The following CDHR4 variants were observed in gnomAD, a reference collection of about 807,000 sequenced individuals.
The protein encoded by CDHR4 is cadherin-related family member 4.
In CDHR4, 89 loss-of-function variants were observed where a neutral mutation model predicts 88.4. The observed-to-expected ratio is 1.01, with a 90% confidence interval of 0.85 to 1.20. The LOEUF (loss-of-function observed/expected upper bound fraction) is 1.20. Among genes scored for constraint, CDHR4 ranks in the 50% most tolerant of loss-of-function variants. CDHR4 has a pLI of 0.00. For synonymous variants in CDHR4, 368 were observed against 399.2 expected, an observed-to-expected ratio of 0.92 and a Z score of 0.93; for missense variants, 914 against 1,007.2, an observed-to-expected ratio of 0.91 and a Z score of 1.25.
Position 49,796,931 on chromosome 3 carries a change from C to G in CDHR4, c.597G>C (p.Gln199His), listed in dbSNP as rs1314567640. ...TCCAGGTCATGCTCACCTTTTGAGC[C>G]TGGCCTAGGAGGCCCTGGGATGGTG... ...LQAPSQGLLG[Q>H]AQKVFQLQIS... The change falls in exon 5 of 19, where the codon CAG (glutamine) becomes CAC (histidine). Residue 199 changes from glutamine to histidine, a missense_variant. Physicochemically the swap from Gln to His is conservative, Grantham distance 24 (BLOSUM62 0). Coordinates refer to ENST00000412678, the MANE Select transcript of CDHR4 (RefSeq NM_001007540.4). 4 of 1,551,216 alleles carry G rather than the reference C, an allele frequency of 2.6e-6. No individual in the cohort carries two copies. In the East Asian group the frequency reaches 7.3e-5, roughly 28 times the overall value.
rs963370864 is a variant in CDHR4 at position 49,799,245 on chromosome 3, A to G, written c.240+2T>C. 1 of 1,613,468 alleles carries G rather than the reference A, an allele frequency of 6.2e-7. No individual in the cohort carries two copies. The highest frequency in any genetic ancestry group is 1.1e-5 in the South Asian group (1 of 91,006). On this transcript the variant is annotated splice_donor_variant, in intron 2 of 18. Coordinates refer to ENST00000412678, the MANE Select transcript of CDHR4 (RefSeq NM_001007540.4). LOFTEE classifies it high-confidence loss of function. ...AGTCCCCAGCTGTACACATGACCCT[A>G]CCTTGCCCACATAGGTCCCTTGCCA...
In CDHR4 at chr3:49,790,846, G is replaced by C. The variant is rs376681759; in HGVS notation, c.2353C>G (p.Arg785Gly). Reference sequence around the variant, plus strand: ...GCTACTTGGCCTCAGAGCCAGCGCCGGGCTCCTGTGTGTGTGTTAAACAGG... The same window carrying C: ...GCTACTTGGCCTCAGAGCCAGCGCCCGGCTCCTGTGTGTGTGTTAAACAGG... ...DYLFNTHTGA[R>G]RWL Residue 785 changes from arginine to glycine, a missense_variant, in exon 19 of 19, where the codon CGG becomes GGG. Transcript: ENST00000412678. The C allele has an allele frequency of 7.1e-6, 11 of 1,551,320 alleles. No individual in the cohort carries two copies. The highest frequency in any genetic ancestry group is 1.4e-5 in the African/African-American group (1 of 73,018).
In CDHR4 at chr3:49,799,274, G is replaced by A. The variant is rs7629936; in HGVS notation, c.213C>T (p.Ala71=). The A allele has an allele frequency of 0.24, 382,397 of 1,613,606 alleles. 46,469 individuals carry two copies. Among genetic ancestry groups the A allele is most frequent in the South Asian group, 0.26 (24,086 of 91,040 alleles). Reference sequence around the variant, plus strand: ...TGCCCACATAGGTCCCTTGCCACCTGGCCAAGCTGGGTGGGTTGAAGAAGG... The same window carrying A: ...TGCCCACATAGGTCCCTTGCCACCTAGCCAAGCTGGGTGGGTTGAAGAAGG... ...PTTFFNPPSL[A]RWQGTYVGKL... The change falls in exon 2 of 19, where the codon GCC becomes GCT. Residue 71 remains alanine (A), a synonymous_variant. Transcript: ENST00000412678.
chr3:49,792,829 C>G (rs775872473), intron 14 of CDHR4, 25 bp downstream of exon 14: 4 of 1,512,438 alleles, frequency 2.6e-6, no homozygotes, highest in South Asian at 1.3e-5. Context: ...TCCCACCCTG[C>G]TGAGGGCCCA....
upstream of CDHR4, among the ~76,000 whole-genome samples, chr3:49,802,014 C>A (rs2081367585): frequency 6.6e-6 from 1 of 152,210 alleles, no homozygotes; most frequent in African/African-American, 2.4e-5. Flanking sequence ...TTCCCTCCTG[C>A]CACCACCACC....
At position 49,797,042 on chromosome 3, in the gene CDHR4, C is replaced by T; in HGVS notation, c.496-10G>A. 1 of 1,550,322 alleles carries T rather than the reference C, an allele frequency of 6.5e-7. No individual in the cohort carries two copies. The highest frequency in any genetic ancestry group is 2.4e-5 in the East Asian group (1 of 40,908). On this transcript the variant is annotated splice_polypyrimidine_tract_variant and intron_variant, in intron 4 of 18. Transcript: ENST00000412678. ...CACTGATAATGCTCATCTGACAGAA[C>T]AGAGATGCTGGCAACCACATTCAGC...
At chr3:49,797,908 CTTT>C (rs34937740) in intron 4 of CDHR4, among the ~76,000 whole-genome samples, 17 of 131,144 alleles carry the variant, frequency 1.3e-4, no homozygotes, top group Non-Finnish European at 1.6e-4. Context: ...TTTTTAAATA[CTTT>C]TTTTTTTTTT....
At chr3:49,791,012 C>T (rs1410009753) in intron 18 of CDHR4, 125 bp from the exon 19 acceptor site, 13 of 717,270 alleles carry the variant, frequency 1.8e-5, no homozygotes, top group Non-Finnish European at 2.5e-5. Context: ...ATCCCACCTT[C>T]GCTGGAATCT....
In CDHR4 at chr3:49,793,142, T is replaced by A; in HGVS notation, c.1774+19A>T. ...GGCCTGCCCCTCACTCACAACCTGG[T>A]GGTGCCCATGTCCCCTACCTCCCAC... On this transcript the variant is annotated intron_variant, in intron 13 of 18. Coordinates refer to ENST00000412678, the MANE Select transcript of CDHR4 (RefSeq NM_001007540.4). The A allele has an allele frequency of 6.4e-7, 1 of 1,551,144 alleles. No homozygotes were observed. The highest frequency in any genetic ancestry group is 8.7e-7 in the Non-Finnish European group (1 of 1,146,606).
Position 49,795,716 on chromosome 3 carries a change from A to G in CDHR4, c.759T>C (p.Ser253=). The change falls in exon 7 of 19, where the codon AGT becomes AGC. Residue 253 remains serine, a synonymous_variant. Transcript: ENST00000412678. This position sits in a 1 kb window ranked among gnomAD's most constrained non-coding sequence, Gnocchi z 5.4. The part of the protein sequence containing the change: ...ITIPENLAPG[S]EVVQVQARGV... ...CCCGGGCCTGGACCTGAACCACCTC[A>G]CTACCGGGGGCCAGATTCTCAGGGA... 1 of 1,550,902 alleles carries G rather than the reference A, an allele frequency of 6.4e-7. No individual in the cohort carries two copies. The highest frequency in any genetic ancestry group is 8.7e-7 in the Non-Finnish European group (1 of 1,146,354).
intron 5 of CDHR4, among the ~76,000 whole-genome samples, chr3:49,796,667 T>C (rs2081275079): frequency 6.6e-6 from 1 of 152,156 alleles, no homozygotes; most frequent in African/African-American, 2.4e-5. Flanking sequence ...TACTGTGTGA[T>C]TGCCCTAAAC....
At position 49,795,064 on chromosome 3, in the gene CDHR4, C is replaced by T. The variant is rs2081247351; in HGVS notation, c.1068G>A (p.Val356=). 3 of 1,551,604 alleles carry T rather than the reference C, an allele frequency of 1.9e-6. No homozygotes were observed. The highest frequency in any genetic ancestry group is 3.3e-4 in the Middle Eastern group (2 of 6,014). ...QIPETAPVGT[V]LNTLTCEDPD... ...GATCTTCGCAAGTGAGAGTATTCAG[C>T]ACGGTGCCCACGGGTGCAGTCTCCG... Residue 356 remains valine (V), a synonymous_variant, in exon 9 of 19, where the codon GTG becomes GTA. Transcript: ENST00000412678. The surrounding 1 kb of genome is among the most constrained non-coding windows in gnomAD (Gnocchi z 5.4).
chr3:49,793,890 C>T lies in CDHR4; in HGVS notation c.1396G>A (p.Val466Met), dbSNP rs756701544. The change falls in exon 11 of 19, where the codon GTG (valine) becomes ATG (methionine). Residue 466 changes from valine to methionine, a missense_variant. Coordinates refer to ENST00000412678, the MANE Select transcript of CDHR4 (RefSeq NM_001007540.4). ...TGAGGGTAATCCATATCCGTGCCCACCACGGAGCCCAGTAGAGTGTGGGGC... is the reference window on the plus strand; with the variant it reads ...TGAGGGTAATCCATATCCGTGCCCATCACGGAGCCCAGTAGAGTGTGGGGC... ...AAPHTLLGSV[V>M]GTDMDYPHDN... 1.3e-6 allele frequency: 2 copies of T among 1,551,768 alleles called. No individual in the cohort carries two copies. Among genetic ancestry groups the T allele is most frequent in the South Asian group, 1.2e-5 (1 of 84,070 alleles).
rs2081202454 is a variant in CDHR4, at chr3:49,792,894, CG to C, written c.1954del (p.Arg652GlyfsTer19). 2 of 1,549,586 alleles carry C rather than the reference CG, an allele frequency of 1.3e-6. No homozygotes were observed. Among genetic ancestry groups the C allele is most frequent in the Non-Finnish European group, 1.7e-6 (2 of 1,145,410 alleles). On this transcript the variant is annotated frameshift_variant, in exon 14 of 19. Transcript: ENST00000412678. LOFTEE classifies it high-confidence loss of function. ...TATIIVHLVP[R>X]RASTVATSTH... ...GCTGGTGGCCACTGTGCTGGCCCTC[CG>C]GGGAACTAGATGCACAATAATGGTG...
Position 49,795,287 on chromosome 3 carries a change from C to T in CDHR4, c.940G>A (p.Gly314Ser), listed in dbSNP as rs76459693. 1,964 of 1,551,628 alleles carry T rather than the reference C, an allele frequency of 1.3e-3. 45 individuals carry two copies. In the East Asian group the frequency reaches 0.041, roughly 32 times the overall value. The change falls in exon 8 of 19, where the codon GGC becomes AGC. Residue 314 changes from glycine (G) to serine (S), a missense_variant. By Grantham distance (56) the Gly-to-Ser change is moderately conservative. Transcript: ENST00000412678. This position sits in a 1 kb window ranked among gnomAD's most constrained non-coding sequence, Gnocchi z 5.4. ...SRLQVKAFEQ[G>S]QLWASAKLNL... is the part of the protein sequence containing the mutation. ...AGCTTGGCACTGGCCCACAGCTGGC[C>T]CTGCTCAAAGGCCTTCACCTGCAGC...
At chr3:49,798,385 G>C (rs2081305040) in intron 4 of CDHR4, 1 of 170,348 alleles carries the variant, frequency 5.9e-6, no homozygotes. Context: ...AGGAGATCGA[G>C]ACCATCCTGG....
Position 49,792,099 on chromosome 3 carries a change from C to T in CDHR4, c.2139-140G>A, listed in dbSNP as rs2108275601. ...GCCCACATTGTTACATCCCCTTTCC[C>T]TGGGCTCAGTCCTATGTCCACAAGG... On this transcript the variant is annotated intron_variant, in intron 15 of 18. Coordinates refer to ENST00000412678, the MANE Select transcript of CDHR4 (RefSeq NM_001007540.4). The T allele has an allele frequency of 3.4e-6, 3 of 891,490 alleles. No individual in the cohort carries two copies. In the South Asian group the frequency reaches 4.8e-5, roughly 14 times the overall value. 55.2% of individuals were successfully genotyped at this position (891,490 alleles called of 1,614,324 possible). A position where few individuals can be genotyped will look rare whatever the true frequency, so the allele number is the denominator to read the frequency against.
Position 49,795,164 on chromosome 3 carries a change from C to T in CDHR4, c.1031+32G>A, listed in dbSNP as rs997503713. 12 of 1,551,414 alleles carry T rather than the reference C, an allele frequency of 7.7e-6. No individual in the cohort carries two copies. In the African/African-American group the frequency reaches 1.6e-4, roughly 21 times the overall value. On this transcript the variant is annotated intron_variant, in intron 8 of 18. Coordinates refer to ENST00000412678, the MANE Select transcript of CDHR4 (RefSeq NM_001007540.4). The surrounding 1 kb of genome is among the most constrained non-coding windows in gnomAD (Gnocchi z 5.4). Reference sequence around the variant, plus strand: ...GTACCCTGAGTCATGGCTCTGACCCCAGCAGCCCAAGTATGGTTCCCGGGT... The same window carrying T: ...GTACCCTGAGTCATGGCTCTGACCCTAGCAGCCCAAGTATGGTTCCCGGGT...
At chr3:49,799,189 G>A in intron 2 of CDHR4, 33 bp from the exon 3 acceptor site, 2 of 1,599,874 alleles carry the variant, frequency 1.3e-6, no homozygotes, top group Non-Finnish European at 1.7e-6. Flanking sequence ...TGTGGGGCTT[G>A]GAAATTTTAG....
Sources: gnomAD v4.1 joint callset for allele counts (sites outside exome capture counted in the v4.1 genomes callset) on GRCh38, gnomAD v4.1.1 for gene constraint, Gnocchi (gnomAD v3.1) non-coding constraint, MANE v1.5 for transcripts, NCBI Gene and HGNC (gene_info 2026-07-23, HGNC 2026-07-21) for gene names.